FALEC: variants seen among roughly 807,000 people sequenced by gnomAD.
FALEC encodes focally amplified lncRNA regulator of ECM1.
At chr1:150,532,057 C>G in the FALEC span, among the ~76,000 whole-genome samples, 1 of 152,188 alleles carries the variant, frequency 6.6e-6, no homozygotes, top group Non-Finnish European at 1.5e-5. Context: ...CAGGTGCCCA[C>G]CACCACGCCC....
At chr1:150,523,964 G>A in the FALEC span, among the ~76,000 whole-genome samples, 1 of 152,094 alleles carries the variant, frequency 6.6e-6, no homozygotes, top group African/African-American at 2.4e-5. Flanking sequence ...ATTGATGTGG[G>A]CAGCCACCAT....
At chr1:150,523,134 T>A in the FALEC span, among the ~76,000 whole-genome samples, 1 of 144,438 alleles carries the variant, frequency 6.9e-6, no homozygotes, top group Non-Finnish European at 1.5e-5. Context: ...ACTACAGGCA[T>A]GCACCACCAT....
chr1:150,524,060 A>G, the FALEC span, among the ~76,000 whole-genome samples: 1 of 152,228 alleles, frequency 6.6e-6, no homozygotes, highest in Non-Finnish European at 1.5e-5. Context: ...CTTTAGCCCC[A>G]TAAGACTCAT....
chr1:150,523,901 C>A, the FALEC span, among the ~76,000 whole-genome samples: 4 of 151,952 alleles, frequency 2.6e-5, no homozygotes, highest in African/African-American at 9.7e-5. Context: ...AGGCAGAATG[C>A]GATTTGACAA....
At chr1:150,533,715 G>T in the FALEC span, among the ~76,000 whole-genome samples, 1 of 152,056 alleles carries the variant, frequency 6.6e-6, no homozygotes, top group Non-Finnish European at 1.5e-5. Context: ...GGGATTACAG[G>T]CATGAGCCAC....
downstream of FALEC, among the ~76,000 whole-genome samples, chr1:150,522,969 A>AT (rs1560270834): frequency 2.8e-3 from 90 of 32,690 alleles, 14 homozygotes; most frequent in South Asian, 7.6e-3. Context: ...ATATATATAT[A>AT]TATATATATA....
At chr1:150,525,662 C>T in the FALEC span, among the ~76,000 whole-genome samples, 12,434 of 152,220 alleles carry the variant, frequency 0.082, 666 homozygotes, top group Non-Finnish European at 0.12. Flanking sequence ...GACACGAATG[C>T]AGTGGTACAG....
At chr1:150,522,975 ATATATATATT>A (rs1336501378), downstream of FALEC, among the ~76,000 whole-genome samples, 1 of 28,848 alleles carries the variant, frequency 3.5e-5, no homozygotes, top group African/African-American at 1.7e-4. Flanking sequence ...ATATATATAT[ATATATATATT>A]TTTTTTTTTT....
the FALEC span, among the ~76,000 whole-genome samples, chr1:150,527,472 T>C: frequency 6.6e-6 from 1 of 151,790 alleles, no homozygotes; most frequent in African/African-American, 2.4e-5. Context: ...TTAGCCAGGC[T>C]GGTCTTAAGC....
the FALEC span, among the ~76,000 whole-genome samples, chr1:150,524,872 G>C: frequency 6.6e-6 from 1 of 151,936 alleles, no homozygotes; most frequent in Admixed American, 6.6e-5. Flanking sequence ...GTACTTGCCT[G>C]TAGTCCCAGC....
the FALEC span, among the ~76,000 whole-genome samples, chr1:150,523,310 T>G: frequency 6.6e-6 from 1 of 150,400 alleles, no homozygotes; most frequent in East Asian, 2.0e-4. Flanking sequence ...TTAAAATTAA[T>G]TTCATCTGTC....
At chr1:150,535,841 A>C in the FALEC span, among the ~76,000 whole-genome samples, 1 of 152,202 alleles carries the variant, frequency 6.6e-6, no homozygotes, top group Non-Finnish European at 1.5e-5. Flanking sequence ...CAGCAACTGG[A>C]GAACGAAAGT....
At chr1:150,517,292 G>C (rs113852567) in intron 1 of FALEC, among the ~76,000 whole-genome samples, 11,039 of 112,266 alleles carry the variant, frequency 0.098, 577 homozygotes, top group Non-Finnish European at 0.14. Flanking sequence ...GCCAGACTCC[G>C]TCTCAAAAAA....
the FALEC span, among the ~76,000 whole-genome samples, chr1:150,534,520 C>A: frequency 6.6e-6 from 1 of 152,106 alleles, no homozygotes; most frequent in Non-Finnish European, 1.5e-5. Flanking sequence ...CCCCCCCAGC[C>A]CCCACTCAGG....
At chr1:150,520,480 A>C (rs929433353), downstream of FALEC, among the ~76,000 whole-genome samples, 1 of 152,216 alleles carries the variant, frequency 6.6e-6, no homozygotes, top group Non-Finnish European at 1.5e-5. Flanking sequence ...TCCATGTTAC[A>C]GCATGTATCA....
At chr1:150,531,351 T>C in the FALEC span, among the ~76,000 whole-genome samples, 7 of 152,024 alleles carry the variant, frequency 4.6e-5, no homozygotes, top group Non-Finnish European at 8.8e-5. Flanking sequence ...AAAATTAGCC[T>C]GTAATCCCAG....
At chr1:150,533,586 G>C in the FALEC span, among the ~76,000 whole-genome samples, 1 of 151,984 alleles carries the variant, frequency 6.6e-6, no homozygotes, top group Non-Finnish European at 1.5e-5. Context: ...CAGGTGGTGT[G>C]CCACAACACC....
At chr1:150,527,267 A>G in the FALEC span, among the ~76,000 whole-genome samples, 2,078 of 144,908 alleles carry the variant, frequency 0.014, 50 homozygotes, top group African/African-American at 0.05. Context: ...TTATTTACTT[A>G]TTTATTTTTG....
At chr1:150,532,128 T>C in the FALEC span, among the ~76,000 whole-genome samples, 5 of 152,182 alleles carry the variant, frequency 3.3e-5, no homozygotes, top group Admixed American at 1.3e-4. Flanking sequence ...AGGATGGTCT[T>C]GATCTCCTGA....
Sources: allele counts gnomAD v4.1 joint callset (sites outside exome capture counted in the v4.1 genomes callset), GRCh38; gene constraint gnomAD v4.1.1; transcripts MANE v1.5; gene names NCBI Gene and HGNC (gene_info 2026-07-23, HGNC 2026-07-21).